MDN1: variants seen among roughly 807,000 people sequenced by gnomAD.
MDN1 encodes midasin AAA ATPase 1.
MDN1 carries 266 observed loss-of-function variants against 669.2 expected under a neutral mutation model. The ratio of observed to expected loss-of-function variants is 0.40; its 90% CI spans 0.36 to 0.44. The LOEUF is 0.44. Ranked by LOEUF, MDN1 falls within the 20% of genes least tolerant of loss-of-function variation. The pLI is 1.00. For missense variants in MDN1, 5,940 were observed against 6,754.0 expected, an observed-to-expected ratio of 0.88 and a Z score of 4.22; for synonymous variants, 2,385 against 2,457.1, an observed-to-expected ratio of 0.97 and a Z score of 0.87.
At chr6:89,702,084 A>T in intron 53 of MDN1, 23 bp from the exon 54 acceptor site, 1 of 1,567,390 alleles carries the variant, frequency 6.4e-7, no homozygotes. Context: ...TCTCTTAGAT[A>T]AGATGGCATG....
chr6:89,671,153 T>C, intron 82 of MDN1, 73 bp from the exon 83 acceptor site: 58 of 1,490,200 alleles, frequency 3.9e-5, no homozygotes, highest in Non-Finnish European at 5.0e-5. Context: ...TGGAACTAGA[T>C]AGTGGTGGTA....
rs1356378029 is a variant in MDN1 at position 89,781,466 on chromosome 6, C to T, written c.1576G>A (p.Glu526Lys). The T allele has an allele frequency of 6.2e-7, 1 of 1,614,168 alleles. No homozygotes were observed. ...TCTCTTCTGGCTTCTGAAACTTCTT[C>T]AGGTGCCTGTTCACATCCAACAGAA... is the stretch of plus-strand genomic sequence containing the variant. ...DSSVGCEQAP[E>K]EVSEARRENK... is the part of the protein sequence containing the mutation. Residue 526 changes from glutamate (E) to lysine (K), a missense_variant, in exon 10 of 102, where the codon GAA becomes AAA. Around this residue, in one of 5 missense-constraint regions of MDN1, gnomAD observed 1,203 missense variants for 1,268.9 expected, o/e 0.95. Transcript: ENST00000369393.
At chr6:89,802,466 C>T (rs563251433) in intron 2 of MDN1, among the ~76,000 whole-genome samples, 311 of 152,302 alleles carry the variant, frequency 2.0e-3, no homozygotes, top group African/African-American at 6.6e-3. Context: ...GGGCAGATCA[C>T]GAGGTCAAGA....
At chr6:89,663,891 G>A (rs1584118930) in intron 85 of MDN1, among the ~76,000 whole-genome samples, 2 of 150,632 alleles carry the variant, frequency 1.3e-5, no homozygotes, top group East Asian at 1.9e-4. Context: ...GCAGTCAGCC[G>A]AGATTGCACC....
At chr6:89,770,931 A>T (rs758993073) in intron 15 of MDN1, among the ~76,000 whole-genome samples, 2 of 152,182 alleles carry the variant, frequency 1.3e-5, no homozygotes, top group Non-Finnish European at 2.9e-5. Context: ...CATTAAAATG[A>T]AGAGAAACAT....
chr6:89,755,848 A>G (rs1024741477), intron 20 of MDN1, among the ~76,000 whole-genome samples: 6 of 152,250 alleles, frequency 3.9e-5, no homozygotes, highest in Admixed American at 3.9e-4. Flanking sequence ...TTATTAGGCT[A>G]AGCTTCCATT....
chr6:89,644,154 G>C lies in MDN1; in HGVS notation c.16642C>G (p.Pro5548Ala). The change falls in exon 102 of 102, where the codon CCT becomes GCT. Residue 5548 changes from proline to alanine, a missense_variant. By Grantham distance (27) the Pro-to-Ala change is conservative. This residue lies in a region of MDN1 where 2,280 missense variants were observed against 2,576.3 expected (regional missense o/e 0.88). Transcript: ENST00000369393. ...LDIKVPIFKGPGEMPEIRSYM... is the reference protein window; with the variant it reads ...LDIKVPIFKGAGEMPEIRSYM... ...GATCGGATTTCAGGCATCTCTCCAGGTCCTTTAAATATCGGTACTTTAATG... is the reference window on the plus strand; with the variant it reads ...GATCGGATTTCAGGCATCTCTCCAGCTCCTTTAAATATCGGTACTTTAATG... The C allele has an allele frequency of 2.5e-6, 4 of 1,613,466 alleles. No individual in the cohort carries two copies. The highest frequency in any genetic ancestry group is 3.4e-6 in the Non-Finnish European group (4 of 1,179,838).
At chr6:89,740,706 G>T (rs1459133541) in intron 31 of MDN1, among the ~76,000 whole-genome samples, 2 of 152,278 alleles carry the variant, frequency 1.3e-5, no homozygotes, top group East Asian at 1.9e-4. Context: ...ATCATTGACT[G>T]GTGAATGGAT....
At chr6:89,679,022 AT>A (rs1212218198) in intron 74 of MDN1, among the ~76,000 whole-genome samples, 4 of 152,214 alleles carry the variant, frequency 2.6e-5, no homozygotes, top group Non-Finnish European at 5.9e-5. Context: ...ATTCTTTTGT[AT>A]TTAGGGGTTT....
Position 89,701,912 on chromosome 6 carries a change from A to G in MDN1, c.8298T>C (p.Tyr2766=). 2 of 1,611,724 alleles carry G rather than the reference A, an allele frequency of 1.2e-6. No individual in the cohort carries two copies. Among genetic ancestry groups the G allele is most frequent in the African/African-American group, 2.7e-5 (2 of 74,858 alleles). The change falls in exon 54 of 102, where the codon TAT becomes TAC. Residue 2766 remains tyrosine (Y), a synonymous_variant. Transcript: ENST00000369393. ...CTAAATATGAATCTTACTTGTCTTCATAATTCATCAGAAGTCGGGGGATCT... is the reference window on the plus strand; with the variant it reads ...CTAAATATGAATCTTACTTGTCTTCGTAATTCATCAGAAGTCGGGGGATCT... The part of the protein sequence containing the change: ...VHQIPRLLMN[Y]EDKYYKEVQT...
In MDN1 at chr6:89,643,923, A is replaced by G; in HGVS notation, c.*82T>C. 1 of 1,169,322 alleles carries G rather than the reference A, an allele frequency of 8.6e-7. No individual in the cohort carries two copies. Among genetic ancestry groups the G allele is most frequent in the South Asian group, 1.9e-5 (1 of 52,152 alleles). 72.4% of individuals were successfully genotyped at this position (1,169,322 alleles called of 1,614,324 possible). ...AAAATATTACAATAAAATTTTTTGTAGTTGTCCAAAAGGGAGCACCTGGGT... is the reference window on the plus strand; with the variant it reads ...AAAATATTACAATAAAATTTTTTGTGGTTGTCCAAAAGGGAGCACCTGGGT... On this transcript the variant is annotated 3_prime_UTR_variant, in exon 102 of 102. Coordinates refer to ENST00000369393, the MANE Select transcript of MDN1 (RefSeq NM_014611.3).
chr6:89,693,619 A>G (rs575409405), intron 62 of MDN1, among the ~76,000 whole-genome samples: 11 of 152,062 alleles, frequency 7.2e-5, no homozygotes, highest in Non-Finnish European at 1.5e-4. Context: ...TGCTCATTAA[A>G]GTATTCTGGA....
chr6:89,665,928 T>C (rs1011559002), intron 84 of MDN1, among the ~76,000 whole-genome samples: 4 of 152,078 alleles, frequency 2.6e-5, no homozygotes, highest in African/African-American at 7.2e-5. Context: ...TAATCCCAGC[T>C]ACCTGGGAGA....
intron 1 of MDN1, among the ~76,000 whole-genome samples, chr6:89,812,455 G>A (rs963541629): frequency 2.6e-5 from 4 of 151,862 alleles, no homozygotes; most frequent in South Asian, 2.1e-4. Flanking sequence ...AACCAATTCC[G>A]TTCCTTTGCT....
At position 89,713,315 on chromosome 6, in the gene MDN1, C is replaced by T; in HGVS notation, c.7070-19G>A. ...GGAGAACCTATTAAAAAAAAATTGC[C>T]ATCTATAAACAATAGAGTCTTTAAA... On this transcript the variant is annotated intron_variant, in intron 46 of 101. Coordinates refer to ENST00000369393, the MANE Select transcript of MDN1 (RefSeq NM_014611.3). 1 of 1,593,766 alleles carries T rather than the reference C, an allele frequency of 6.3e-7. No individual in the cohort carries two copies. Among genetic ancestry groups the T allele is most frequent in the Non-Finnish European group, 8.6e-7 (1 of 1,168,198 alleles).
At chr6:89,762,579 GAA>G in intron 15 of MDN1, 49 bp from the exon 16 acceptor site, 1 of 1,416,008 alleles carries the variant, frequency 7.1e-7, no homozygotes, top group Non-Finnish European at 9.7e-7. Context: ...GAAGTTAACA[GAA>G]GTTAGAAAGC....
chr6:89,643,978 G>A lies in MDN1; in HGVS notation c.*27C>T. 1.3e-6 allele frequency: 2 copies of A among 1,558,606 alleles called. No individual in the cohort carries two copies. Among genetic ancestry groups the A allele is most frequent in the Non-Finnish European group, 1.7e-6 (2 of 1,151,522 alleles). ...AATGTGACCTTCTGACCACAGTTAA[G>A]TCTCACTTTGGACTCTTCTTTCTGT... is the stretch of plus-strand genomic sequence containing the variant. On this transcript the variant is annotated 3_prime_UTR_variant, in exon 102 of 102. Transcript: ENST00000369393.
chr6:89,738,282 C>T (rs780178502), intron 33 of MDN1, 44 bp downstream of exon 33: 3 of 1,601,344 alleles, frequency 1.9e-6, no homozygotes, highest in Non-Finnish European at 2.6e-6. Context: ...CAACACAAAC[C>T]CTTCTATGAC....
In MDN1 at chr6:89,699,774, G is replaced by A. The variant is rs1345389217; in HGVS notation, c.8871-47C>T. ...AGAGGGTGGGGTATGGACTATCAAT[G>A]AACTACTGGAAAGCTGCTACATTAG... On this transcript the variant is annotated intron_variant, in intron 57 of 101. Transcript: ENST00000369393. 4.4e-6 allele frequency: 7 copies of A among 1,592,332 alleles called. No homozygotes were observed. The East Asian group carries it at 6.7e-5, about 15-fold the overall frequency.
Sources: allele counts gnomAD v4.1 joint callset (sites outside exome capture counted in the v4.1 genomes callset), GRCh38; gene constraint gnomAD v4.1.1; regional missense constraint gnomAD v4.1.1; transcripts MANE v1.5; gene names NCBI Gene and HGNC (gene_info 2026-07-23, HGNC 2026-07-21).